FOXP2: variants seen among roughly 807,000 people sequenced by gnomAD.
FOXP2 encodes the protein forkhead box P2.
FOXP2 carries 12 observed loss-of-function variants against 115.8 expected under a neutral mutation model. The observed-to-expected ratio is 0.10, with a 90% CI of 0.07 to 0.17. The LOEUF (loss-of-function observed/expected upper bound fraction) is 0.17. Among genes scored for constraint, FOXP2 ranks in the 10% least tolerant of loss-of-function variants. The pLI is 1.00. For synonymous variants in FOXP2, 328 were observed against 297.7 expected, an observed-to-expected ratio of 1.10 and a Z score of -1.05; for missense variants, 629 against 843.5, an observed-to-expected ratio of 0.75 and a Z score of 3.15.
At chr7:114,404,177 A>G (rs529527401) in intron 2 of FOXP2, among the ~76,000 whole-genome samples, 2 of 152,216 alleles carry the variant, frequency 1.3e-5, no homozygotes, top group Admixed American at 1.3e-4. Context: ...GGGTGTCAAT[A>G]TCAAATAATT....
chr7:114,346,437 T>A (rs1046153568), intron 2 of FOXP2, among the ~76,000 whole-genome samples: 1 of 151,836 alleles, frequency 6.6e-6, no homozygotes, highest in Non-Finnish European at 1.5e-5. Flanking sequence ...GAGTGTATAG[T>A]CAATGGAAAT....
chr7:114,094,869 A>G (rs1799610992), intron 1 of FOXP2, among the ~76,000 whole-genome samples: 1 of 152,044 alleles, frequency 6.6e-6, no homozygotes, highest in African/African-American at 2.4e-5. Flanking sequence ...TATGTTGTCC[A>G]GGTTGGGAAA....
chr7:114,543,359 T>G (rs1799773591), intron 3 of FOXP2, among the ~76,000 whole-genome samples: 1 of 152,154 alleles, frequency 6.6e-6, no homozygotes, highest in African/African-American at 2.4e-5. Flanking sequence ...CCATAGATCT[T>G]CATGAATCCT....
chr7:114,396,669 G>C (rs192600644), intron 2 of FOXP2, among the ~76,000 whole-genome samples: 2,537 of 151,816 alleles, frequency 0.017, 98 homozygotes, highest in African/African-American at 0.057. Context: ...GGGGTTGAGA[G>C]GGTGGTGGTG....
chr7:114,572,492 T>C (rs1371407004), intron 3 of FOXP2, among the ~76,000 whole-genome samples: 2 of 151,876 alleles, frequency 1.3e-5, no homozygotes, highest in Non-Finnish European at 2.9e-5. Context: ...TTTCTAAGTA[T>C]TCTCTGTATA....
intron 2 of FOXP2, among the ~76,000 whole-genome samples, chr7:114,296,142 A>G (rs1476753764): frequency 6.6e-6 from 1 of 152,230 alleles, no homozygotes; most frequent in African/African-American, 2.4e-5. Flanking sequence ...GTTTTTCAGT[A>G]CAATTAAATG....
chr7:114,590,032 A>C (rs530195628), intron 3 of FOXP2, among the ~76,000 whole-genome samples: 5 of 152,228 alleles, frequency 3.3e-5, no homozygotes, highest in African/African-American at 9.6e-5. Flanking sequence ...ATTTTATTTA[A>C]ATTACAGTAA....
intron 1 of FOXP2, among the ~76,000 whole-genome samples, chr7:114,212,457 C>T (rs947653330): frequency 2.0e-5 from 3 of 151,486 alleles, no homozygotes; most frequent in Non-Finnish European, 2.9e-5. Flanking sequence ...AAAAAACTGG[C>T]TTTGTGAGAA....
intron 16 of FOXP2, among the ~76,000 whole-genome samples, chr7:114,670,577 C>T (rs1807439951): frequency 6.6e-6 from 1 of 151,930 alleles, no homozygotes; most frequent in Admixed American, 6.6e-5. Flanking sequence ...CTCCTAGACC[C>T]CCACTGGATT....
Position 114,284,420 on chromosome 7 carries a change from G to T in FOXP2, c.-101-3599G>T, listed in dbSNP as rs184804696. ...TGTGTGTGAATGTGTGTATATAAGAGAACTCTAGTTAGCCTCTCTAGTTCA... is the reference window on the plus strand; with the variant it reads ...TGTGTGTGAATGTGTGTATATAAGATAACTCTAGTTAGCCTCTCTAGTTCA... On this transcript the variant is annotated intron_variant, in intron 1 of 17. Coordinates refer to the FOXP2 transcript ENST00000634411. Among the ~76,000 whole-genome samples the T allele has an allele frequency of 4.7e-3, 715 of 152,220 alleles. 9 individuals carry two copies. Among genetic ancestry groups the T allele is most frequent in the African/African-American group, 0.016 (674 of 41,528 alleles).
At chr7:114,269,502 T>C (rs1795983567) in intron 1 of FOXP2, among the ~76,000 whole-genome samples, 1 of 152,124 alleles carries the variant, frequency 6.6e-6, no homozygotes, top group African/African-American at 2.4e-5. Flanking sequence ...CCTGGCTCAC[T>C]GCAGCTTTGG....
At chr7:114,484,243 C>T (rs1796677169) in intron 2 of FOXP2, among the ~76,000 whole-genome samples, 1 of 151,732 alleles carries the variant, frequency 6.6e-6, no homozygotes, top group Non-Finnish European at 1.5e-5. Context: ...TCTAATTGTG[C>T]TCTATTGACC....
At chr7:114,507,526 A>C (rs1175651232) in intron 2 of FOXP2, among the ~76,000 whole-genome samples, 1 of 151,976 alleles carries the variant, frequency 6.6e-6, no homozygotes, top group Non-Finnish European at 1.5e-5. Context: ...TGAGAAATAA[A>C]CAAATTAGGA....
chr7:114,464,215 A>C (rs1363247736), intron 2 of FOXP2, among the ~76,000 whole-genome samples: 1 of 152,108 alleles, frequency 6.6e-6, no homozygotes, highest in Non-Finnish European at 1.5e-5. Flanking sequence ...AGATACTAAG[A>C]CCTCCATTTA....
chr7:114,114,836 T>C (rs569742837), intron 1 of FOXP2, among the ~76,000 whole-genome samples: 47 of 152,192 alleles, frequency 3.1e-4, no homozygotes, highest in African/African-American at 9.9e-4. Context: ...AATTTTGACT[T>C]GTATTAAATA....
At chr7:114,305,979 C>G (rs956074861) in intron 2 of FOXP2, among the ~76,000 whole-genome samples, 6 of 151,978 alleles carry the variant, frequency 3.9e-5, no homozygotes, top group Non-Finnish European at 7.4e-5. Context: ...AAAAAAGCAA[C>G]TGGGCTTTTT....
At chr7:114,153,492 T>C (rs565182233) in intron 1 of FOXP2, among the ~76,000 whole-genome samples, 79 of 152,276 alleles carry the variant, frequency 5.2e-4, no homozygotes, top group South Asian at 1.9e-3. Context: ...TGTTTAAATG[T>C]GTTTCTTCTG....
intron 1 of FOXP2, among the ~76,000 whole-genome samples, chr7:114,268,736 G>A (rs1267174908): frequency 6.6e-6 from 1 of 150,724 alleles, no homozygotes; most frequent in Non-Finnish European, 1.5e-5. Context: ...GTGTGTATGT[G>A]TGTATTTTCC....
At chr7:114,244,822 C>T (rs562642923) in intron 1 of FOXP2, among the ~76,000 whole-genome samples, 81 of 151,626 alleles carry the variant, frequency 5.3e-4, no homozygotes, top group Non-Finnish European at 9.0e-4. Context: ...AGTGCAGTGG[C>T]GCAATCTCGG....
Sources: gnomAD v4.1 joint callset for allele counts (sites outside exome capture counted in the v4.1 genomes callset) on GRCh38, gnomAD v4.1.1 for gene constraint, MANE v1.5 for transcripts, NCBI Gene and HGNC (gene_info 2026-07-23, HGNC 2026-07-21) for gene names.